Variants in DLEU7 observed in about 807,000 individuals in gnomAD.
DLEU7 encodes the protein leukemia-associated protein 7.
DLEU7 carries 17 observed loss-of-function variants against 16.0 expected under a neutral mutation model. That is an observed-to-expected ratio of 1.06 (90% CI 0.73 to 1.59). DLEU7 has a LOEUF of 1.59. Among genes scored for constraint, DLEU7 ranks in the 40% most tolerant of loss-of-function variants. The pLI is 0.00. For synonymous variants in DLEU7, 113 were observed against 139.8 expected (o/e 0.81, Z 1.35); for missense variants, 308 against 314.9 (o/e 0.98, Z 0.17).
At chr13:50,788,185 T>C (rs1343389429) in intron 1 of DLEU7, among the ~76,000 whole-genome samples, 1 of 152,180 alleles carries the variant, frequency 6.6e-6, no homozygotes, top group Non-Finnish European at 1.5e-5. Flanking sequence ...GCCTTGTAAG[T>C]ATTCTCTTAA....
intron 1 of DLEU7, among the ~76,000 whole-genome samples, chr13:50,804,573 A>T (rs2137784271): frequency 6.6e-6 from 1 of 152,106 alleles, no homozygotes; most frequent in African/African-American, 2.4e-5. Flanking sequence ...CCTCCTGAGT[A>T]GCTGCAACCA....
intron 1 of DLEU7, among the ~76,000 whole-genome samples, chr13:50,734,883 T>C (rs1206429623): frequency 6.6e-6 from 1 of 152,112 alleles, no homozygotes; most frequent in Non-Finnish European, 1.5e-5. Context: ...AAAATAAAGA[T>C]AAGGCATACC....
At chr13:50,825,235 C>T (rs1877047595) in intron 1 of DLEU7, among the ~76,000 whole-genome samples, 1 of 151,960 alleles carries the variant, frequency 6.6e-6, no homozygotes, top group African/African-American at 2.4e-5. Flanking sequence ...ATAAAATAAA[C>T]CCAGTATGCA....
At chr13:50,819,117 A>C (rs1876820050), downstream of DLEU7, among the ~76,000 whole-genome samples, 1 of 152,196 alleles carries the variant, frequency 6.6e-6, no homozygotes. Context: ...CAACAAAGAA[A>C]ACAAAGCAGG....
intron 1 of DLEU7, among the ~76,000 whole-genome samples, chr13:50,817,694 G>T (rs1400958367): frequency 6.6e-6 from 1 of 152,150 alleles, no homozygotes. Flanking sequence ...GGTTCTTGCA[G>T]TCCTATGTTC....
chr13:50,760,941 G>A (rs1042518871), intron 1 of DLEU7, among the ~76,000 whole-genome samples: 5 of 152,106 alleles, frequency 3.3e-5, no homozygotes, highest in Non-Finnish European at 7.4e-5. Flanking sequence ...AAAATTTGTG[G>A]TATTTCCAAG....
chr13:50,805,989 G>A (rs1876379923), intron 1 of DLEU7, among the ~76,000 whole-genome samples: 3 of 152,138 alleles, frequency 2.0e-5, no homozygotes, highest in African/African-American at 7.2e-5. Context: ...ATAAGAAGTG[G>A]TTTGCTGCCC....
intron 1 of DLEU7, among the ~76,000 whole-genome samples, chr13:50,759,350 G>A (rs602002): frequency 0.47 from 71,511 of 151,950 alleles, 17,797 homozygotes; most frequent in African/African-American, 0.62. Context: ...TGGAAGAATG[G>A]CTTGATCCCA....
At chr13:50,780,050 A>G (rs9596364) in intron 1 of DLEU7, among the ~76,000 whole-genome samples, 7,362 of 152,234 alleles carry the variant, frequency 0.048, 531 homozygotes, top group South Asian at 0.15. Flanking sequence ...TGTGTTAGTA[A>G]TAGCAAGTTC....
intron 1 of DLEU7, among the ~76,000 whole-genome samples, chr13:50,766,963 T>A (rs1436574359): frequency 6.6e-6 from 1 of 152,202 alleles, no homozygotes; most frequent in Non-Finnish European, 1.5e-5. Context: ...GTTTTTCTCC[T>A]GCCTGTCTGA....
chr13:50,842,611 C>T lies in DLEU7; in HGVS notation c.459+577G>A, dbSNP rs184538809. On this transcript the variant is annotated intron_variant, in intron 1 of 1. Coordinates refer to ENST00000504404, the MANE Select transcript of DLEU7 (RefSeq NM_001306135.2). ...AGCATTTAGTATTCACGCTTTAACA[C>T]CCGGGACCCACCCAGCTCTCACCCC... 6.4e-3 allele frequency among the ~76,000 whole-genome samples: 967 copies of T among 152,274 alleles called. 10 individuals are homozygous for T. The highest frequency in any genetic ancestry group is 0.022 in the African/African-American group (919 of 41,526).
At chr13:50,788,332 TG>T (rs1201433759) in intron 1 of DLEU7, among the ~76,000 whole-genome samples, 1 of 152,158 alleles carries the variant, frequency 6.6e-6, no homozygotes, top group African/African-American at 2.4e-5. Flanking sequence ...GGTGGAAATG[TG>T]GGCACCAGTT....
At chr13:50,802,048 A>G (rs766967625) in intron 1 of DLEU7, among the ~76,000 whole-genome samples, 12 of 137,584 alleles carry the variant, frequency 8.7e-5, no homozygotes, top group Admixed American at 6.3e-4. Context: ...TCATGGGGGT[A>G]GTCAGGACTT....
At chr13:50,795,681 A>G (rs976661951) in intron 1 of DLEU7, among the ~76,000 whole-genome samples, 2 of 152,210 alleles carry the variant, frequency 1.3e-5, no homozygotes, top group Admixed American at 6.5e-5. Flanking sequence ...TTGTGTTTCT[A>G]TTAAATTTAT....
Position 50,823,130 on chromosome 13 carries a change from A to G in DLEU7, c.*184T>C. The G allele has an allele frequency of 2.2e-6, 3 of 1,392,268 alleles. No individual in the cohort carries two copies. The highest frequency in any genetic ancestry group is 1.9e-6 in the Non-Finnish European group (2 of 1,074,314). The allele number at this position is 1,392,268 out of a possible 1,614,324, so 86.2% of individuals were successfully genotyped here. ...AAATATGAACTACTGCTTTAAAAAA[A>G]TTTCATTAACATGCTATAATCCCGA... On this transcript the variant is annotated 3_prime_UTR_variant, in exon 2 of 2. Coordinates refer to ENST00000504404, the MANE Select transcript of DLEU7 (RefSeq NM_001306135.2).
intron 1 of DLEU7, among the ~76,000 whole-genome samples, chr13:50,751,187 T>C (rs538116): frequency 0.47 from 71,960 of 152,022 alleles, 18,070 homozygotes; most frequent in African/African-American, 0.63. Context: ...TATTGAGATA[T>C]CACGTGATTT....
chr13:50,813,666 C>G (rs1876637541), intron 1 of DLEU7, among the ~76,000 whole-genome samples: 1 of 152,008 alleles, frequency 6.6e-6, no homozygotes, highest in Non-Finnish European at 1.5e-5. Flanking sequence ...AAAAAGAAAT[C>G]ACAAAAATGG....
chr13:50,756,102 G>A (rs900452978), intron 1 of DLEU7, among the ~76,000 whole-genome samples: 6 of 152,200 alleles, frequency 3.9e-5, no homozygotes, highest in Non-Finnish European at 5.9e-5. Context: ...ACCAGCACCT[G>A]TTCTGGTGGA....
chr13:50,734,470 T>C (rs1874008436), intron 1 of DLEU7, among the ~76,000 whole-genome samples: 1 of 152,120 alleles, frequency 6.6e-6, no homozygotes, highest in African/African-American at 2.4e-5. Flanking sequence ...CTGTAGCTAA[T>C]CCCATCTCCA....
Sources: allele counts gnomAD v4.1 joint callset (sites outside exome capture counted in the v4.1 genomes callset), GRCh38; gene constraint gnomAD v4.1.1; transcripts MANE v1.5; gene names NCBI Gene and HGNC (gene_info 2026-07-23, HGNC 2026-07-21).